LRMDA: variants seen among roughly 807,000 people sequenced by gnomAD.
LRMDA encodes leucine rich melanocyte differentiation associated, also known as leucine-rich melanocyte differentiation-associated protein.
A neutral mutation model predicts 29.8 loss-of-function variants in LRMDA; 18 were observed. That is an observed-to-expected ratio of 0.60 (90% CI 0.42 to 0.90). The LOEUF (loss-of-function observed/expected upper bound fraction) is 0.90, where lower values mean the gene tolerates loss of function less well. Ranked by LOEUF, LRMDA falls within the 40% of genes least tolerant of loss-of-function variation. LRMDA has a pLI of 0.00. For synonymous variants in LRMDA, 125 were observed against 109.4 expected (o/e 1.14, Z -0.89); for missense variants, 273 against 273.9 (o/e 1.00, Z 0.02).
chr10:76,481,577 GGGGAGT>G (rs1285963433), intron 6 of LRMDA, among the ~76,000 whole-genome samples: 5 of 151,900 alleles, frequency 3.3e-5, no homozygotes, highest in Non-Finnish European at 7.4e-5. Flanking sequence ...AGCTAATTAT[GGGGAGT>G]GGTCTAACTA....
chr10:76,267,094 T>A (rs1840014441), intron 5 of LRMDA, among the ~76,000 whole-genome samples: 1 of 152,144 alleles, frequency 6.6e-6, no homozygotes, highest in Non-Finnish European at 1.5e-5. Flanking sequence ...ATAGACCAGA[T>A]GCCATGATAA....
intron 2 of LRMDA, among the ~76,000 whole-genome samples, chr10:75,630,418 T>A (rs1483916275): frequency 6.6e-6 from 1 of 152,220 alleles, no homozygotes; most frequent in Non-Finnish European, 1.5e-5. Flanking sequence ...TCGTTGAGTT[T>A]CTGGCAAGCA....
intron 2 of LRMDA, among the ~76,000 whole-genome samples, chr10:75,772,295 T>C (rs1286255652): frequency 6.6e-6 from 1 of 152,248 alleles, no homozygotes; most frequent in Admixed American, 6.5e-5. Context: ...TCCTTCAGTA[T>C]TTAAGTCAGT....
chr10:75,548,871 T>C (rs988904194), intron 2 of LRMDA, among the ~76,000 whole-genome samples: 3 of 152,106 alleles, frequency 2.0e-5, no homozygotes, highest in Admixed American at 6.5e-5. Flanking sequence ...AAAAGTCTTT[T>C]CCAGGAAGGT....
chr10:75,892,913 G>T (rs748020378), intron 2 of LRMDA, among the ~76,000 whole-genome samples: 1 of 152,160 alleles, frequency 6.6e-6, no homozygotes, highest in Non-Finnish European at 1.5e-5. Flanking sequence ...GGACAACTGT[G>T]GGTAATAGAA....
Position 75,562,669 on chromosome 10 carries a change from G to A in LRMDA, c.131+124175G>A, listed in dbSNP as rs577384250. On this transcript the variant is annotated intron_variant, in intron 2 of 6. Coordinates refer to ENST00000611255, the MANE Select transcript of LRMDA (RefSeq NM_001305581.2). ...GCATGATTTTGCAGTGGCTGGTACC[G>A]GTTGTTCTTTTCCATGTTTAGTGCT... is the stretch of plus-strand genomic sequence containing the variant. 5.8e-3 allele frequency among the ~76,000 whole-genome samples: 888 copies of A among 152,170 alleles called. 4 individuals are homozygous for A. Among genetic ancestry groups the A allele is most frequent in the Middle Eastern group, 0.01 (3 of 294 alleles).
intron 2 of LRMDA, among the ~76,000 whole-genome samples, chr10:75,953,529 G>T (rs1181955561): frequency 1.3e-5 from 2 of 152,118 alleles, no homozygotes; most frequent in Non-Finnish European, 2.9e-5. Flanking sequence ...TTCCTGAAGG[G>T]TCTATGTGCC....
intron 2 of LRMDA, among the ~76,000 whole-genome samples, chr10:75,699,637 A>G (rs1404575267): frequency 6.6e-6 from 1 of 152,226 alleles, no homozygotes; most frequent in Admixed American, 6.5e-5. Flanking sequence ...GCTGAAAAAG[A>G]GTATCATGAT....
intron 6 of LRMDA, among the ~76,000 whole-genome samples, chr10:76,505,300 GTA>G (rs1004114712): frequency 1.3e-5 from 2 of 151,848 alleles, no homozygotes; most frequent in African/African-American, 4.8e-5. Context: ...TTGTCATCTT[GTA>G]TAGTATTTTG....
intron 5 of LRMDA, among the ~76,000 whole-genome samples, chr10:76,168,188 A>G (rs921751967): frequency 5.9e-5 from 9 of 152,164 alleles, no homozygotes; most frequent in African/African-American, 2.2e-4. Flanking sequence ...ACTTTTGCTG[A>G]CTTGTTAGCC....
At chr10:75,477,577 T>C (rs545670532) in intron 2 of LRMDA, among the ~76,000 whole-genome samples, 1 of 152,212 alleles carries the variant, frequency 6.6e-6, no homozygotes, top group Non-Finnish European at 1.5e-5. Context: ...CTTAGCTGCC[T>C]TTTATGTTCT....
chr10:76,227,061 T>C (rs538124142), intron 5 of LRMDA, among the ~76,000 whole-genome samples: 5 of 152,368 alleles, frequency 3.3e-5, no homozygotes, highest in South Asian at 2.1e-4. Context: ...CTACCTGTTA[T>C]CTGAATCACA....
chr10:75,939,904 T>C (rs1050423865), intron 2 of LRMDA, among the ~76,000 whole-genome samples: 1 of 152,168 alleles, frequency 6.6e-6, no homozygotes, highest in African/African-American at 2.4e-5. Flanking sequence ...GTCTTTGATA[T>C]GACACTGTGA....
At chr10:75,849,272 G>C (rs751170898) in intron 2 of LRMDA, among the ~76,000 whole-genome samples, 1 of 152,026 alleles carries the variant, frequency 6.6e-6, no homozygotes, top group Non-Finnish European at 1.5e-5. Flanking sequence ...ACTTGAAGCA[G>C]TTCCTATTTT....
intron 2 of LRMDA, among the ~76,000 whole-genome samples, chr10:75,682,833 C>T (rs1465484097): frequency 6.6e-6 from 1 of 152,068 alleles, no homozygotes; most frequent in Admixed American, 6.5e-5. Flanking sequence ...CTGAGACTGG[C>T]CTGTTAAAAG....
intron 6 of LRMDA, among the ~76,000 whole-genome samples, chr10:76,379,457 G>A (rs903678140): frequency 2.0e-5 from 3 of 151,810 alleles, no homozygotes; most frequent in Non-Finnish European, 4.4e-5. Context: ...TTCAATTTTG[G>A]GGGTTATATA....
At chr10:76,317,643 A>T (rs2132388241) in intron 5 of LRMDA, among the ~76,000 whole-genome samples, 1 of 152,276 alleles carries the variant, frequency 6.6e-6, no homozygotes, top group African/African-American at 2.4e-5. Context: ...GCACATTCTC[A>T]GCTCACTGCA....
intron 2 of LRMDA, among the ~76,000 whole-genome samples, chr10:75,838,673 A>G (rs548212939): frequency 6.6e-6 from 1 of 152,238 alleles, no homozygotes; most frequent in East Asian, 1.9e-4. Context: ...TCTTCAGGAG[A>G]CCTGGAAAGA....
intron 2 of LRMDA, among the ~76,000 whole-genome samples, chr10:75,796,666 G>A (rs768832633): frequency 4.6e-5 from 7 of 152,122 alleles, no homozygotes; most frequent in South Asian, 2.1e-4. Context: ...TCTGCCTCCC[G>A]GGTTCAAGCG....
Sources: gnomAD v4.1 joint callset for allele counts (sites outside exome capture counted in the v4.1 genomes callset) on GRCh38, gnomAD v4.1.1 for gene constraint, MANE v1.5 for transcripts, NCBI Gene and HGNC (gene_info 2026-07-23, HGNC 2026-07-21) for gene names.